ABCC11: variants seen among roughly 807,000 people sequenced by gnomAD.
The protein encoded by ABCC11 is ATP binding cassette subfamily C member 11.
In ABCC11, 135 loss-of-function variants were observed where a neutral mutation model predicts 149.3. That is an observed-to-expected ratio of 0.90 (90% CI 0.79 to 1.04). The LOEUF (loss-of-function observed/expected upper bound fraction) is 1.04. ABCC11 is among the 50% of genes least tolerant of loss of function. The pLI is 0.00. For missense variants in ABCC11, 1,680 were observed against 1,722.1 expected, an observed-to-expected ratio of 0.98 and a Z score of 0.43; for synonymous variants, 665 against 671.4, an observed-to-expected ratio of 0.99 and a Z score of 0.15.
rs375339219 is a variant in ABCC11 at position 48,247,398 on chromosome 16, GGCA to G, written c.-106_-104del. The stretch of plus-strand genomic sequence containing the variant: ...TCCTTTGCGCTATCCAGGTGACGCT[GGCA>G]CAGCCTTCAAAGAGCAGCAGAAGTA... On this transcript the variant is annotated 5_prime_UTR_variant, in exon 1 of 30. Transcript: ENST00000356608. 6.6e-6 allele frequency: 1 copy of G among 152,454 alleles called. No individual in the cohort carries two copies. The highest frequency in any genetic ancestry group is 2.4e-5 in the African/African-American group (1 of 41,490). The allele number at this position is 152,454 out of a possible 1,614,324, so 9.4% of individuals were successfully genotyped here.
intron 20 of ABCC11, among the ~76,000 whole-genome samples, chr16:48,188,312 T>C (rs1183247464): frequency 6.6e-6 from 1 of 152,182 alleles, no homozygotes; most frequent in East Asian, 1.9e-4. Flanking sequence ...AGAACCCTCA[T>C]GGACTAAGCC....
intron 12 of ABCC11, among the ~76,000 whole-genome samples, chr16:48,207,820 C>T (rs1866074664): frequency 6.6e-6 from 1 of 151,938 alleles, no homozygotes. Flanking sequence ...ATGGGGGGTT[C>T]AAATCTCAAG....
At chr16:48,243,667 T>C (rs1446835109) in intron 1 of ABCC11, among the ~76,000 whole-genome samples, 2 of 152,164 alleles carry the variant, frequency 1.3e-5, no homozygotes, top group African/African-American at 2.4e-5. Flanking sequence ...GTGAAAGGTA[T>C]ATAGGAACTC....
At chr16:48,185,308 A>G (rs1966690197) in intron 22 of ABCC11, among the ~76,000 whole-genome samples, 1 of 152,168 alleles carries the variant, frequency 6.6e-6, no homozygotes, top group Non-Finnish European at 1.5e-5. Flanking sequence ...TATACCCTCT[A>G]CCTAATTTAG....
At chr16:48,175,568 C>G (rs1966006904) in intron 25 of ABCC11, 151 bp from the exon 26 acceptor site, 1 of 948,484 alleles carries the variant, frequency 1.1e-6, no homozygotes, top group Admixed American at 2.9e-5. Flanking sequence ...GGGCTGGCGT[C>G]CCTGCTCCAG....
rs1162533861 is a variant in ABCC11 at position 48,200,295 on chromosome 16, AG to A, written c.2062del (p.Leu688TrpfsTer2). The A allele has an allele frequency of 6.2e-7, 1 of 1,614,126 alleles. No individual in the cohort carries two copies. Among genetic ancestry groups the A allele is most frequent in the East Asian group, 2.2e-5 (1 of 44,890 alleles). ...KKTLRGKTVV[L>X]VTHQLQYLEF... ...GCTAACCTGCAGCTGGTGGGTCACC[AG>A]GACGACCGTCTTCCCCCTGAGTGTC... On this transcript the variant is annotated frameshift_variant, in exon 15 of 30. Coordinates refer to ENST00000356608, the MANE Select transcript of ABCC11 (RefSeq NM_001370497.1). LOFTEE classifies it high-confidence loss of function.
chr16:48,222,896 C>A, intron 5 of ABCC11, 65 bp from the exon 6 acceptor site: 1 of 1,394,438 alleles, frequency 7.2e-7, no homozygotes, highest in South Asian at 1.3e-5. Flanking sequence ...TGTTTTGTTG[C>A]TGGAAGAAGG....
At chr16:48,198,090 G>A (rs761118476) in intron 16 of ABCC11, 23 bp from the exon 17 acceptor site, 1 of 1,614,162 alleles carries the variant, frequency 6.2e-7, no homozygotes, top group Non-Finnish European at 8.5e-7. Context: ...CACAGGCCCT[G>A]AGTACACGTG....
At chr16:48,228,119 A>C (rs1970197420) in intron 3 of ABCC11, among the ~76,000 whole-genome samples, 155 bp from the exon 4 acceptor site, 1 of 152,166 alleles carries the variant, frequency 6.6e-6, no homozygotes, top group Non-Finnish European at 1.5e-5. Context: ...TAAACAACAA[A>C]AGTGCCCATT....
chr16:48,220,916 G>C (rs1342050911), intron 6 of ABCC11, among the ~76,000 whole-genome samples: 2 of 152,316 alleles, frequency 1.3e-5, no homozygotes, highest in East Asian at 1.9e-4. Context: ...ATATTAGTAG[G>C]GCAGCCAGAT....
rs754355724 is a variant in ABCC11 at position 48,231,916 on chromosome 16, A to T, written c.6T>A (p.Thr2=). The T allele has an allele frequency of 3.0e-5, 48 of 1,613,946 alleles. No homozygotes were observed. Among genetic ancestry groups the T allele is most frequent in the Non-Finnish European group, 3.8e-5 (45 of 1,179,968 alleles). The part of the protein sequence containing the change: M[T]RKRTYWVPNS... ...TGGGCACCCAGTATGTCCTCTTCCT[A>T]GTCATTTTCAGTTCCTGCCAATTCT... Residue 2 remains threonine, a synonymous_variant, in exon 2 of 30, where the codon ACT becomes ACA. Coordinates refer to ENST00000356608, the MANE Select transcript of ABCC11 (RefSeq NM_001370497.1).
At position 48,193,991 on chromosome 16, in the gene ABCC11, G is replaced by C. The variant is rs373889234; in HGVS notation, c.2405-9C>G. 9 of 1,599,114 alleles carry C rather than the reference G, an allele frequency of 5.6e-6. No individual in the cohort carries two copies. Among genetic ancestry groups the C allele is most frequent in the Admixed American group, 1.7e-5 (1 of 59,966 alleles). ...GCAAGAGACCATGTAACCTGGGAGG[G>C]AGACAGTGGTGATGTACAAGTGCCA... On this transcript the variant is annotated splice_polypyrimidine_tract_variant and intron_variant, in intron 18 of 29. Transcript: ENST00000356608.
intron 1 of ABCC11, chr16:48,244,693 C>A: frequency 9.0e-7 from 1 of 1,114,080 alleles, no homozygotes; most frequent in Non-Finnish European, 1.2e-6. Context: ...CAGGCCACGG[C>A]CTGCCTTGAG....
chr16:48,232,080 TTCCTC>T, intron 1 of ABCC11, 141 bp from the exon 2 acceptor site: 3 of 1,439,400 alleles, frequency 2.1e-6, no homozygotes, highest in Non-Finnish European at 1.8e-6. Context: ...TGCCTGCTCT[TTCCTC>T]TCCTTAGCCT....
chr16:48,167,415 G>A (rs375177108), intron 29 of ABCC11, 49 bp from the exon 30 acceptor site: 2 of 1,580,486 alleles, frequency 1.3e-6, no homozygotes, highest in South Asian at 1.1e-5. Flanking sequence ...AGCTGAGCTT[G>A]TGTCCTTGGA....
chr16:48,213,628 G>A, intron 9 of ABCC11, 78 bp from the exon 10 acceptor site: 3 of 1,104,474 alleles, frequency 2.7e-6, no homozygotes, highest in Non-Finnish European at 3.9e-6. Flanking sequence ...GCATCCCTGA[G>A]CCACATCCTC....
chr16:48,225,865 A>C (rs1442713104), intron 4 of ABCC11, among the ~76,000 whole-genome samples: 1 of 152,216 alleles, frequency 6.6e-6, no homozygotes, highest in Non-Finnish European at 1.5e-5. Context: ...GTGAGATCTC[A>C]TCTTTAAACA....
In ABCC11 at chr16:48,222,819, G is replaced by C. The variant is rs755537891; in HGVS notation, c.556C>G (p.Pro186Ala). Residue 186 changes from proline (P) to alanine (A), a missense_variant, in exon 6 of 30, where the codon CCA becomes GCA. Pro to Ala is a conservative substitution (Grantham distance 27). Coordinates refer to ENST00000356608, the MANE Select transcript of ABCC11 (RefSeq NM_001370497.1). ...TCTTCTGAATATTCCAGGATCTTTG[G>C]TATAATCAATATCTACAAGGAAATG... ...ASVLGPILII[P>A]KILEYSEEQL... is the part of the protein sequence containing the mutation. 10 of 1,612,742 alleles carry C rather than the reference G, an allele frequency of 6.2e-6. No individual in the cohort carries two copies. In the African/African-American group the frequency reaches 1.3e-4, roughly 22 times the overall value.
At chr16:48,191,638 T>G (rs1040394078) in intron 20 of ABCC11, among the ~76,000 whole-genome samples, 1 of 152,250 alleles carries the variant, frequency 6.6e-6, no homozygotes, top group African/African-American at 2.4e-5. Flanking sequence ...ACAATAAACA[T>G]ACGTGTGCAT....
Sources: allele counts gnomAD v4.1 joint callset (sites outside exome capture counted in the v4.1 genomes callset), GRCh38; gene constraint gnomAD v4.1.1; transcripts MANE v1.5; gene names NCBI Gene and HGNC (gene_info 2026-07-23, HGNC 2026-07-21).